SETBP1: variants seen among roughly 807,000 people sequenced by gnomAD.
SETBP1 encodes the protein SET binding protein 1.
SETBP1 carries 9 observed loss-of-function variants against 101.0 expected under a neutral mutation model. The ratio of observed to expected loss-of-function variants is 0.09; its 90% CI spans 0.05 to 0.16. The LOEUF is 0.16. Among genes scored for constraint, SETBP1 ranks in the 10% least tolerant of loss-of-function variants. SETBP1 has a pLI of 1.00. For synonymous variants in SETBP1, 818 were observed against 788.5 expected, an observed-to-expected ratio of 1.04 and a Z score of -0.63; for missense variants, 1,858 against 2,033.8, an observed-to-expected ratio of 0.91 and a Z score of 1.66.
chr18:44,930,051 A>C (rs915732313), intron 3 of SETBP1, among the ~76,000 whole-genome samples: 22 of 152,232 alleles, frequency 1.4e-4, no homozygotes, highest in Non-Finnish European at 2.6e-4. Flanking sequence ...TTGCCCATTC[A>C]GTATGATATT....
rs61649185 is a variant in SETBP1, at chr18:44,773,838, ATG to A, written c.486+72038_486+72039del. ...TCTCTCTCTCTGTCTCTCTCTGTTT[ATG>A]TGTGTGTGTGTGTGTGTGTGTGTGT... is the stretch of plus-strand genomic sequence containing the variant. On this transcript the variant is annotated intron_variant, in intron 2 of 5. Transcript: ENST00000649279. Among the ~76,000 whole-genome samples the A allele has an allele frequency of 3.3e-3, 445 of 134,246 alleles. 2 individuals carry two copies. The highest frequency in any genetic ancestry group is 5.0e-3 in the Non-Finnish European group (318 of 64,216). The allele number at this position is 134,246 out of a possible 152,430, so 88.1% of individuals were successfully genotyped here.
intron 2 of SETBP1, among the ~76,000 whole-genome samples, chr18:44,821,275 T>G (rs2072110186): frequency 6.6e-6 from 1 of 152,216 alleles, no homozygotes; most frequent in South Asian, 2.1e-4. Flanking sequence ...CTCTACAGAA[T>G]TAAATCCAAA....
chr18:44,896,979 G>A (rs960469362), intron 3 of SETBP1, among the ~76,000 whole-genome samples: 2 of 152,164 alleles, frequency 1.3e-5, no homozygotes, highest in African/African-American at 2.4e-5. Flanking sequence ...AACTGCAAGG[G>A]TTGATCGGAA....
At chr18:44,964,934 G>A (rs1356451062) in intron 4 of SETBP1, among the ~76,000 whole-genome samples, 3 of 152,176 alleles carry the variant, frequency 2.0e-5, no homozygotes, top group Admixed American at 1.3e-4. Flanking sequence ...TATCCAAACG[G>A]GGATACATTT....
chr18:44,812,923 T>G (rs9954820), intron 2 of SETBP1, among the ~76,000 whole-genome samples: 6,639 of 152,288 alleles, frequency 0.044, 467 homozygotes, highest in African/African-American at 0.15. Flanking sequence ...GCCAGAAGTG[T>G]TGCCAAGATT....
At chr18:44,744,714 C>G (rs1020813161) in intron 2 of SETBP1, among the ~76,000 whole-genome samples, 1 of 151,988 alleles carries the variant, frequency 6.6e-6, no homozygotes. Context: ...CGAAGCACAG[C>G]CACCACGCGC....
intron 3 of SETBP1, among the ~76,000 whole-genome samples, chr18:44,886,392 G>A (rs996125775): frequency 6.6e-6 from 1 of 152,114 alleles, no homozygotes; most frequent in Non-Finnish European, 1.5e-5. Flanking sequence ...ACAGTGAGCC[G>A]TCTTGATGAA....
At chr18:44,929,091 C>A (rs751665564) in intron 3 of SETBP1, among the ~76,000 whole-genome samples, 4 of 151,984 alleles carry the variant, frequency 2.6e-5, no homozygotes, top group Non-Finnish European at 5.9e-5. Context: ...TTAATCCATC[C>A]GTCTTGAATT....
At chr18:44,958,253 G>T (rs890008311) in intron 4 of SETBP1, among the ~76,000 whole-genome samples, 2 of 152,180 alleles carry the variant, frequency 1.3e-5, no homozygotes, top group Non-Finnish European at 2.9e-5. Context: ...ATAGTTAGTT[G>T]TTCAATGAAG....
chr18:44,787,771 G>A (rs1389191416), intron 2 of SETBP1, among the ~76,000 whole-genome samples: 4 of 140,246 alleles, frequency 2.9e-5, no homozygotes, highest in African/African-American at 7.9e-5. Flanking sequence ...GGAGAATGGC[G>A]TGAACCCGGG....
chr18:44,811,434 A>G (rs889932017), intron 2 of SETBP1, among the ~76,000 whole-genome samples: 2 of 152,212 alleles, frequency 1.3e-5, no homozygotes, highest in Non-Finnish European at 2.9e-5. Context: ...GGGAGATATC[A>G]ATGAAAGTAA....
intron 3 of SETBP1, among the ~76,000 whole-genome samples, chr18:44,932,974 G>A (rs941924800): frequency 5.3e-5 from 8 of 152,100 alleles, no homozygotes; most frequent in South Asian, 2.1e-4. Flanking sequence ...TTCTCTCTCC[G>A]GCTTTGTTCC....
At chr18:44,989,452 G>A (rs2072308183) in intron 4 of SETBP1, among the ~76,000 whole-genome samples, 2 of 152,028 alleles carry the variant, frequency 1.3e-5, no homozygotes, top group South Asian at 4.2e-4. Context: ...AGAATCATAA[G>A]TTAAAAAACA....
rs146319182 is a variant in SETBP1 at position 44,980,484 on chromosome 18, T to TA, written c.4000+27158dup. Among the ~76,000 whole-genome samples, 992 of 143,704 alleles carry TA rather than the reference T, an allele frequency of 6.9e-3. 1 individual carries two copies. Among genetic ancestry groups the TA allele is most frequent in the South Asian group, 0.021 (93 of 4,524 alleles). 94.3% of individuals were successfully genotyped at this position (143,704 alleles called of 152,430 possible). On this transcript the variant is annotated intron_variant, in intron 4 of 5. Transcript: ENST00000649279. Reference sequence around the variant, plus strand: ...CTCTGATTCGCACATTCTTCTGCTTTAAAAAAAAAAAAAATCTAGTCTCTA... The same window carrying TA: ...CTCTGATTCGCACATTCTTCTGCTTTAAAAAAAAAAAAAAATCTAGTCTCTA...
intron 3 of SETBP1, among the ~76,000 whole-genome samples, chr18:44,879,455 T>C (rs2069481794): frequency 1.3e-5 from 2 of 152,144 alleles, no homozygotes; most frequent in African/African-American, 4.8e-5. Flanking sequence ...TAGTAAACAC[T>C]CCATAAATGT....
intron 3 of SETBP1, among the ~76,000 whole-genome samples, chr18:44,898,779 G>A (rs936099247): frequency 2.6e-5 from 4 of 152,190 alleles, no homozygotes; most frequent in Non-Finnish European, 4.4e-5. Flanking sequence ...GGACACACCC[G>A]AGCACCCACA....
In SETBP1 at chr18:44,952,352, G is replaced by A; in HGVS notation, c.3012G>A (p.Leu1004=). 6.2e-7 allele frequency: 1 copy of A among 1,614,056 alleles called. No homozygotes were observed. Among genetic ancestry groups the A allele is most frequent in the South Asian group, 1.1e-5 (1 of 91,068 alleles). ...TGCCATATATCCAGTATGACCCGTT[G>A]CTCTATCTTCGTAGGACTTCAGACT... is the stretch of plus-strand genomic sequence containing the variant. ...YPVPYIQYDP[L]LYLRRTSDLK... is the part of the protein sequence containing the mutation. The change falls in exon 4 of 6, where the codon TTG becomes TTA. Residue 1004 remains leucine, a synonymous_variant. Coordinates refer to ENST00000649279, the MANE Select transcript of SETBP1 (RefSeq NM_015559.3).
At chr18:44,707,818 G>A (rs1281368347) in intron 2 of SETBP1, among the ~76,000 whole-genome samples, 1 of 152,150 alleles carries the variant, frequency 6.6e-6, no homozygotes, top group African/African-American at 2.4e-5. Flanking sequence ...ACAGGGCTTT[G>A]AATCAGGGAG....
chr18:44,702,911 G>A (rs2069142713), intron 2 of SETBP1, among the ~76,000 whole-genome samples: 1 of 152,206 alleles, frequency 6.6e-6, no homozygotes, highest in Non-Finnish European at 1.5e-5. Flanking sequence ...TTGGTTAGTT[G>A]TCATTTTCCT....
Sources: allele counts gnomAD v4.1 joint callset (sites outside exome capture counted in the v4.1 genomes callset), GRCh38; gene constraint gnomAD v4.1.1; transcripts MANE v1.5; gene names NCBI Gene and HGNC (gene_info 2026-07-23, HGNC 2026-07-21).